The following MPPED2 variants were observed in gnomAD, a reference collection of about 807,000 sequenced individuals.
The protein encoded by MPPED2 is metallophosphoesterase domain containing 2, also known as metallophosphoesterase MPPED2.
Under a neutral mutation model 33.0 loss-of-function variants are expected in MPPED2, and 5 were observed. The ratio of observed to expected loss-of-function variants is 0.15; its 90% CI spans 0.08 to 0.32. The LOEUF (loss-of-function observed/expected upper bound fraction) is 0.32, where lower values mean the gene tolerates loss of function less well. MPPED2 is among the 10% of genes least tolerant of loss of function. The pLI, the probability that MPPED2 is intolerant of heterozygous loss-of-function variation, is 1.00. For missense variants in MPPED2, 275 were observed against 372.1 expected (o/e 0.74, Z 2.15); for synonymous variants, 136 against 141.9 (o/e 0.96, Z 0.29).
chr11:30,542,917 A>G (rs1050847102), intron 2 of MPPED2, among the ~76,000 whole-genome samples: 7 of 152,338 alleles, frequency 4.6e-5, no homozygotes, highest in Admixed American at 3.3e-4. Flanking sequence ...ATGACAAAAT[A>G]CTGGCAAATC....
chr11:30,437,309 G>A (rs1043233851), intron 4 of MPPED2, among the ~76,000 whole-genome samples: 1 of 152,144 alleles, frequency 6.6e-6, no homozygotes, highest in Non-Finnish European at 1.5e-5. Flanking sequence ...CTATTAAACA[G>A]CTTACACATC....
chr11:30,477,136 T>G (rs1951243788), intron 4 of MPPED2, among the ~76,000 whole-genome samples: 1 of 152,118 alleles, frequency 6.6e-6, no homozygotes, highest in Admixed American at 6.6e-5. Flanking sequence ...CCTTAGAATT[T>G]TCTACAATGA....
chr11:30,501,671 A>T (rs1279435079), intron 3 of MPPED2: 3 of 948,740 alleles, frequency 3.2e-6, no homozygotes, highest in Non-Finnish European at 3.8e-6. Flanking sequence ...GAATATCCAG[A>T]ATTTCTTCTT....
At chr11:30,554,139 G>C (rs1416703654) in intron 2 of MPPED2, among the ~76,000 whole-genome samples, 1 of 152,142 alleles carries the variant, frequency 6.6e-6, no homozygotes, top group African/African-American at 2.4e-5. Flanking sequence ...CCGCCCTCAT[G>C]TCAATCCCCT....
intron 2 of MPPED2, 114 bp downstream of exon 2, chr11:30,580,132 T>C: frequency 9.6e-7 from 1 of 1,037,726 alleles, no homozygotes; most frequent in Non-Finnish European, 1.4e-6. Flanking sequence ...CCATCTGATT[T>C]GTAAATCATT....
At chr11:30,413,464 T>C (rs767900516) in intron 6 of MPPED2, among the ~76,000 whole-genome samples, 3 of 152,168 alleles carry the variant, frequency 2.0e-5, no homozygotes, top group Non-Finnish European at 4.4e-5. Context: ...TTACCCATGA[T>C]TTGAAAAAGG....
At chr11:30,496,489 T>C (rs1952260073) in intron 3 of MPPED2, among the ~76,000 whole-genome samples, 1 of 152,140 alleles carries the variant, frequency 6.6e-6, no homozygotes, top group Non-Finnish European at 1.5e-5. Context: ...TTTTATTTTA[T>C]TTTGGAGGAA....
intron 1 of MPPED2, among the ~76,000 whole-genome samples, chr11:30,582,986 A>C (rs1430074307): frequency 6.6e-6 from 1 of 152,196 alleles, no homozygotes; most frequent in African/African-American, 2.4e-5. Context: ...TGTCAGACTG[A>C]GGCAGAGAGC....
chr11:30,424,895 C>T (rs943394822), intron 4 of MPPED2, among the ~76,000 whole-genome samples: 6 of 152,178 alleles, frequency 3.9e-5, no homozygotes, highest in African/African-American at 1.4e-4. Context: ...GGAAGGAAAA[C>T]TTAACATCAG....
At chr11:30,574,033 G>A (rs1331074769) in intron 2 of MPPED2, among the ~76,000 whole-genome samples, 1 of 152,006 alleles carries the variant, frequency 6.6e-6, no homozygotes, top group Non-Finnish European at 1.5e-5. Context: ...GCTACAGTAA[G>A]CTGTTTCTTA....
chr11:30,581,518 A>T (rs898569762), intron 1 of MPPED2, among the ~76,000 whole-genome samples: 4 of 152,230 alleles, frequency 2.6e-5, no homozygotes, highest in African/African-American at 9.6e-5. Flanking sequence ...TAGGTAACCC[A>T]TGCTCTTACT....
chr11:30,435,229 CATGGT>C (rs576243818), intron 4 of MPPED2, among the ~76,000 whole-genome samples: 1 of 152,182 alleles, frequency 6.6e-6, no homozygotes, highest in South Asian at 2.1e-4. Context: ...GTTATAACTG[CATGGT>C]ATCCCATTCT....
At chr11:30,449,922 C>G (rs576645002) in intron 4 of MPPED2, among the ~76,000 whole-genome samples, 2 of 152,204 alleles carry the variant, frequency 1.3e-5, no homozygotes, top group African/African-American at 4.8e-5. Context: ...CCCAAACCCC[C>G]TTTCCTCTGT....
At chr11:30,544,727 G>A (rs1002061126) in intron 2 of MPPED2, among the ~76,000 whole-genome samples, 1 of 152,180 alleles carries the variant, frequency 6.6e-6, no homozygotes, top group Non-Finnish European at 1.5e-5. Context: ...AATGTTTGAG[G>A]TGCTATGGAG....
intron 6 of MPPED2, chr11:30,388,971 G>A (rs1329445830): frequency 6.4e-7 from 1 of 1,552,818 alleles, no homozygotes; most frequent in South Asian, 1.2e-5. Context: ...AGGGGAGAGA[G>A]AGAAAGAGAG....
intron 4 of MPPED2, among the ~76,000 whole-genome samples, chr11:30,488,906 T>C (rs1951851851): frequency 6.6e-6 from 1 of 152,184 alleles, no homozygotes; most frequent in African/African-American, 2.4e-5. Flanking sequence ...AACACCTTTC[T>C]GAACCCTCCT....
chr11:30,407,887 A>G (rs1212507917), downstream of MPPED2, among the ~76,000 whole-genome samples: 1 of 150,726 alleles, frequency 6.6e-6, no homozygotes, highest in Non-Finnish European at 1.5e-5. Flanking sequence ...AAGTAAATAA[A>G]TAAATAAATA....
At position 30,386,470 on chromosome 11, in the gene MPPED2, C is replaced by A. The variant is rs1334596407; in HGVS notation, c.*2419G>T. 2.4e-5 allele frequency: 8 copies of A among 329,756 alleles called. No individual in the cohort carries two copies. The East Asian group carries it at 3.2e-4, about 13-fold the overall frequency. 20.4% of individuals were successfully genotyped at this position (329,756 alleles called of 1,614,324 possible). ...AGGGTGCTGCTTGAGAGGGTATAAG[C>A]TGTAAGCCTTGGCAGCTTCCACCAG... On this transcript the variant is annotated 3_prime_UTR_variant, in exon 7 of 7. Coordinates refer to the MPPED2 transcript ENST00000448418.
At chr11:30,423,538 C>T (rs1948704963) in intron 4 of MPPED2, among the ~76,000 whole-genome samples, 1 of 152,130 alleles carries the variant, frequency 6.6e-6, no homozygotes, top group South Asian at 2.1e-4. Context: ...GTAACGAGCA[C>T]CTGCAGGCTC....
Sources: allele counts gnomAD v4.1 joint callset (sites outside exome capture counted in the v4.1 genomes callset), GRCh38; gene constraint gnomAD v4.1.1; transcripts MANE v1.5; gene names NCBI Gene and HGNC (gene_info 2026-07-23, HGNC 2026-07-21).